Variants in MED13L observed in about 807,000 individuals in gnomAD.
The protein encoded by MED13L is mediator of RNA polymerase II transcription subunit 13-like.
A neutral mutation model predicts 220.9 loss-of-function variants in MED13L; 7 were observed. The observed-to-expected ratio is 0.03, with a 90% CI of 0.02 to 0.06. MED13L has a LOEUF of 0.06. MED13L is among the 10% of genes least tolerant of loss of function. MED13L has a pLI of 1.00. For missense variants in MED13L, 1,965 were observed against 2,760.5 expected, an observed-to-expected ratio of 0.71 and a Z score of 6.46; for synonymous variants, 1,011 against 1,015.2, an observed-to-expected ratio of 1.00 and a Z score of 0.08.
At chr12:116,082,225 C>A (rs1295707499) in intron 4 of MED13L, among the ~76,000 whole-genome samples, 1 of 152,054 alleles carries the variant, frequency 6.6e-6, no homozygotes, top group African/African-American at 2.4e-5. Flanking sequence ...TTATCTAGAT[C>A]ACTCTTTTCA....
intron 30 of MED13L, 189 bp from the exon 31 acceptor site, chr12:115,961,587 T>C (rs1000043397): frequency 7.7e-6 from 6 of 781,532 alleles, no homozygotes; most frequent in Middle Eastern, 3.7e-4. Flanking sequence ...TCCAGTACAG[T>C]AGCCAGCAGC....
rs1032357800 is a variant in MED13L, at chr12:116,061,924, C to T, written c.479+34745G>A. Among the ~76,000 whole-genome samples the T allele has an allele frequency of 1.3e-4, 19 of 145,968 alleles. 1 individual carries two copies. Among genetic ancestry groups the T allele is most frequent in the Admixed American group, 1.2e-3 (17 of 14,254 alleles). ...TCAGGAGGCTGAGGCAGGAGAATGG[C>T]GTGAACCCGGGAGGCAGAGCTTGCA... On this transcript the variant is annotated intron_variant, in intron 4 of 30. Transcript: ENST00000281928.
At chr12:116,213,052 C>T (rs1351881899) in intron 2 of MED13L, among the ~76,000 whole-genome samples, 5 of 152,128 alleles carry the variant, frequency 3.3e-5, no homozygotes, top group Non-Finnish European at 4.4e-5. Context: ...GTCTTATGCG[C>T]GAAGAAAAGC....
chr12:116,150,855 A>G (rs962998773), intron 2 of MED13L, among the ~76,000 whole-genome samples: 1 of 152,154 alleles, frequency 6.6e-6, no homozygotes, highest in African/African-American at 2.4e-5. Context: ...TAGGTCGTTT[A>G]ATTTTCTCAA....
At chr12:116,134,353 AG>A (rs1876337888) in intron 2 of MED13L, among the ~76,000 whole-genome samples, 2 of 152,208 alleles carry the variant, frequency 1.3e-5, no homozygotes, top group Admixed American at 1.3e-4. Context: ...AAAAAGATAC[AG>A]ATTCAGTGAA....
chr12:116,065,324 C>T (rs867988599), intron 4 of MED13L, among the ~76,000 whole-genome samples: 20 of 151,816 alleles, frequency 1.3e-4, no homozygotes, highest in Middle Eastern at 3.4e-3. Flanking sequence ...AAATAAGGAC[C>T]GGGAGGATAG....
At chr12:116,244,253 GA>G (rs1018324285) in intron 1 of MED13L, among the ~76,000 whole-genome samples, 2 of 152,012 alleles carry the variant, frequency 1.3e-5, no homozygotes, top group African/African-American at 4.8e-5. Flanking sequence ...TCAGAGGAAG[GA>G]AAAAAGTCAC....
chr12:116,167,509 A>T (rs192556675), intron 2 of MED13L, among the ~76,000 whole-genome samples: 1 of 152,318 alleles, frequency 6.6e-6, no homozygotes, highest in East Asian at 1.9e-4. Flanking sequence ...TATACTTTAA[A>T]AATATCTTGT....
In MED13L at chr12:116,022,609, A is replaced by C; in HGVS notation, c.480-8T>G. The C allele has an allele frequency of 6.2e-7, 1 of 1,610,046 alleles. No homozygotes were observed. The highest frequency in any genetic ancestry group is 1.3e-5 in the African/African-American group (1 of 74,998). On this transcript the variant is annotated splice_polypyrimidine_tract_variant and splice_region_variant and intron_variant, in intron 4 of 30. Transcript: ENST00000281928. ...GCACAGGACAAATGCTCACTACAAA[A>C]GAGAGAATGAGAAACTCAACTTTAT...
chr12:116,157,424 A>G (rs1878522622), intron 2 of MED13L, among the ~76,000 whole-genome samples: 1 of 152,194 alleles, frequency 6.6e-6, no homozygotes, highest in Non-Finnish European at 1.5e-5. Flanking sequence ...AGAACAAATT[A>G]CACGAATCCT....
At chr12:116,091,429 A>G (rs1464008893) in intron 4 of MED13L, among the ~76,000 whole-genome samples, 1 of 152,212 alleles carries the variant, frequency 6.6e-6, no homozygotes, top group East Asian at 1.9e-4. Context: ...AACTATCATC[A>G]CCTCTGGCTG....
chr12:115,995,651 G>C (rs1878352135), intron 16 of MED13L, among the ~76,000 whole-genome samples: 1 of 152,090 alleles, frequency 6.6e-6, no homozygotes, highest in South Asian at 2.1e-4. Context: ...TCAAACTCCT[G>C]AGCTCAAGCA....
chr12:116,121,849 G>A (rs1289881193), intron 2 of MED13L, among the ~76,000 whole-genome samples: 2 of 152,122 alleles, frequency 1.3e-5, no homozygotes, highest in African/African-American at 4.8e-5. Flanking sequence ...TGCAAATATT[G>A]GAGGTGGGGG....
At chr12:116,222,534 T>C (rs1004478290) in intron 2 of MED13L, among the ~76,000 whole-genome samples, 12 of 152,172 alleles carry the variant, frequency 7.9e-5, no homozygotes, top group African/African-American at 2.4e-4. Context: ...GAATGAGAGA[T>C]GGCTCCTGGC....
At position 115,986,371 on chromosome 12, in the gene MED13L, T is replaced by C. The variant is rs1267511838; in HGVS notation, c.4233A>G (p.Pro1411=). 1.2e-6 allele frequency: 2 copies of C among 1,614,152 alleles called. No individual in the cohort carries two copies. The highest frequency in any genetic ancestry group is 1.7e-6 in the Non-Finnish European group (2 of 1,180,006). ...LPFWERLLLD[P]YGGHRDVAYI... ...AGGCAACATCACGGTGGCCCCCATA[T>C]GGGTCCAACAAGAGCCTCTCCCAAA... Residue 1411 remains proline, a synonymous_variant, in exon 19 of 31, where the codon CCA becomes CCG. Transcript: ENST00000281928.
chr12:116,163,786 A>AT (rs1048791758), intron 2 of MED13L, among the ~76,000 whole-genome samples: 23 of 152,234 alleles, frequency 1.5e-4, no homozygotes, highest in African/African-American at 3.6e-4. Context: ...GCGTTTTTGA[A>AT]TTTTTTTATA....
At chr12:116,223,684 A>G (rs1478902704) in intron 2 of MED13L, among the ~76,000 whole-genome samples, 2 of 152,352 alleles carry the variant, frequency 1.3e-5, no homozygotes, top group East Asian at 3.9e-4. Flanking sequence ...AGCCTGGGCG[A>G]CAAAAGCAAA....
At chr12:116,076,427 CTTAGGAGGCTGAG>C (rs1414982827) in intron 4 of MED13L, among the ~76,000 whole-genome samples, 1 of 152,056 alleles carries the variant, frequency 6.6e-6, no homozygotes, top group Non-Finnish European at 1.5e-5. Context: ...GTCTCTGTTA[CTTAGGAGGCTGAG>C]GGAGGAGGAC....
intron 2 of MED13L, among the ~76,000 whole-genome samples, chr12:116,185,973 C>T (rs1368641673): frequency 6.6e-6 from 1 of 152,198 alleles, no homozygotes; most frequent in Non-Finnish European, 1.5e-5. Context: ...GGATTACAGG[C>T]GTGAGCCACG....
Sources: allele counts gnomAD v4.1 joint callset (sites outside exome capture counted in the v4.1 genomes callset), GRCh38; gene constraint gnomAD v4.1.1; transcripts MANE v1.5; gene names NCBI Gene and HGNC (gene_info 2026-07-23, HGNC 2026-07-21).